MICAL1: variants seen among roughly 807,000 people sequenced by gnomAD.
The protein encoded by MICAL1 is microtubule associated monooxygenase, calponin and LIM domain containing 1, also known as [F-actin]-monooxygenase MICAL1.
In MICAL1, 95 loss-of-function variants were observed where a neutral mutation model predicts 131.8. The ratio of observed to expected loss-of-function variants is 0.72; its 90% CI spans 0.61 to 0.86. MICAL1 has a LOEUF of 0.86. Ranked by LOEUF, MICAL1 falls within the 40% of genes least tolerant of loss-of-function variation. The probability of loss-of-function intolerance (pLI) is 0.00; values close to 1 mark genes in which losing one functional copy is unlikely to be tolerated. For missense variants in MICAL1, 1,292 were observed against 1,380.6 expected, an observed-to-expected ratio of 0.94 and a Z score of 1.02; for synonymous variants, 546 against 554.2, an observed-to-expected ratio of 0.99 and a Z score of 0.21.
Position 109,450,396 on chromosome 6 carries a change from G to A in MICAL1, c.1095C>T (p.Asp365=), listed in dbSNP as rs747709099. ...AHGQPDVSAF[D]FTSMMRAESS... ...TCTCTGCCCGCATCATGCTCGTGAA[G>A]TCAAAGGCAGAGACATCAGGCTGCC... The change falls in exon 8 of 25, where the codon GAC becomes GAT. Residue 365 remains aspartate, a synonymous_variant. Transcript: ENST00000358807. 8.1e-6 allele frequency: 13 copies of A among 1,613,514 alleles called. No homozygotes were observed. In the Admixed American group the frequency reaches 1.8e-4, roughly 23 times the overall value.
At position 109,450,506 on chromosome 6, in the gene MICAL1, C is replaced by T. The variant is rs1775495398; in HGVS notation, c.985G>A (p.Ala329Thr). Reference protein sequence around the residue: ...LLGSANVVPEALQRFTRAAAD... With the variant: ...LLGSANVVPETLQRFTRAAAD... ...GCTGCCCGGGTAAAGCGCTGCAGAG[C>T]CTCGGGCACCACATTGGCACTGCCC... The change falls in exon 8 of 25, where the codon GCT (alanine) becomes ACT (threonine). Residue 329 changes from alanine (A) to threonine (T), a missense_variant. By Grantham distance (58) the Ala-to-Thr change is moderately conservative. Coordinates refer to ENST00000358807, the MANE Select transcript of MICAL1 (RefSeq NM_022765.4). The T allele has an allele frequency of 6.2e-7, 1 of 1,612,912 alleles. No individual in the cohort carries two copies. Among genetic ancestry groups the T allele is most frequent in the Non-Finnish European group, 8.5e-7 (1 of 1,179,778 alleles).
Position 109,452,262 on chromosome 6 carries a change from G to T in MICAL1, c.816C>A (p.Ser272Arg), listed in dbSNP as rs751755331. 6.2e-7 allele frequency: 1 copy of T among 1,613,746 alleles called. No individual in the cohort carries two copies. The highest frequency in any genetic ancestry group is 8.5e-7 in the Non-Finnish European group (1 of 1,179,724). ...ARIYNQSFFQ[S>R]LLKATGIDLE... ...GTCCCTGACCTGTGGCTTTGAGAAGGCTCTGGAAGAAGCTCTGGTTGTAGA... is the reference window on the plus strand; with the variant it reads ...GTCCCTGACCTGTGGCTTTGAGAAGTCTCTGGAAGAAGCTCTGGTTGTAGA... Residue 272 changes from serine (S) to arginine (R), a missense_variant, in exon 6 of 25, where the codon AGC becomes AGA. Ser to Arg is a moderately radical substitution (Grantham distance 110). Transcript: ENST00000358807.
chr6:109,453,256 T>C lies in MICAL1; in HGVS notation c.571+7A>G, dbSNP rs1250358846. 6.2e-7 allele frequency: 1 copy of C among 1,610,922 alleles called. No homozygotes were observed. The highest frequency in any genetic ancestry group is 8.5e-7 in the Non-Finnish European group (1 of 1,177,384). On this transcript the variant is annotated splice_region_variant and intron_variant, in intron 4 of 24. Transcript: ENST00000358807. ...GGGGAGATTCCAGGGAGCATAGAAA[T>C]ACTTACCCTTCCTAGGAGGGGGCTG...
At position 109,447,916 on chromosome 6, in the gene MICAL1, G is replaced by A. The variant is rs1278829863; in HGVS notation, c.1903C>T (p.Leu635Phe). 1 of 1,613,354 alleles carries A rather than the reference G, an allele frequency of 6.2e-7. No individual in the cohort carries two copies. Among genetic ancestry groups the A allele is most frequent in the Non-Finnish European group, 8.5e-7 (1 of 1,179,606 alleles). The change falls in exon 14 of 25, where the codon CTT becomes TTT. Residue 635 changes from leucine to phenylalanine, a missense_variant. Coordinates refer to ENST00000358807, the MANE Select transcript of MICAL1 (RefSeq NM_022765.4). ...TGCAGGGTCCTCTGAAGTTTACTAA[G>A]GAATAATACAGCACTGGAGGTCCCT... ...SPGTSSAVLF[L>F]SKLQRTLQRS...
At chr6:109,460,441 AAAAG>A (rs1236236835), upstream of MICAL1, among the ~76,000 whole-genome samples, 2 of 151,436 alleles carry the variant, frequency 1.3e-5, no homozygotes, top group Non-Finnish European at 2.9e-5. Context: ...AAAAAAAAAA[AAAAG>A]AAATGTAATC....
At chr6:109,455,874 C>G (rs566170436), upstream of MICAL1, 14 of 985,388 alleles carry the variant, frequency 1.4e-5, no homozygotes, top group African/African-American at 1.7e-5. This position sits in a 1 kb window ranked among gnomAD's most constrained non-coding sequence, Gnocchi z 4.7. Context: ...TGGAGTCGCG[C>G]GGAGTGTGGG....
At chr6:109,460,211 C>G (rs1482771571), upstream of MICAL1, among the ~76,000 whole-genome samples, 3 of 151,794 alleles carry the variant, frequency 2.0e-5, no homozygotes, top group African/African-American at 7.3e-5. Flanking sequence ...TCCCAGCACT[C>G]TGGGAGGCTG....
At position 109,451,792 on chromosome 6, in the gene MICAL1, G is replaced by T. The variant is rs186400336; in HGVS notation, c.833-92C>A. 4 of 1,552,500 alleles carry T rather than the reference G, an allele frequency of 2.6e-6. No homozygotes were observed. In the East Asian group the frequency reaches 9.2e-5, roughly 36 times the overall value. On this transcript the variant is annotated intron_variant, in intron 6 of 24. Coordinates refer to ENST00000358807, the MANE Select transcript of MICAL1 (RefSeq NM_022765.4). Reference sequence around the variant, plus strand: ...CAACATGGCCTGACCTCTGAGCTGGGATCCCAGCTTAGGCTGCGGTGAGTG... The same window carrying T: ...CAACATGGCCTGACCTCTGAGCTGGTATCCCAGCTTAGGCTGCGGTGAGTG...
rs2115337083 is a variant in MICAL1, at chr6:109,452,372, G to C, written c.706C>G (p.Leu236Val). Residue 236 changes from leucine to valine, a missense_variant, in exon 6 of 25, where the codon CTG becomes GTG. Coordinates refer to ENST00000358807, the MANE Select transcript of MICAL1 (RefSeq NM_022765.4). ...AAGTTGGCTGTGATGCCAATGGCCA[G>C]TTTGCCTCGCATTTCTCGAACTTTG... ...GFKVREMRGKLAIGITANFVN... is the reference protein window; with the variant it reads ...GFKVREMRGKVAIGITANFVN... 1 of 1,614,188 alleles carries C rather than the reference G, an allele frequency of 6.2e-7. No homozygotes were observed. The highest frequency in any genetic ancestry group is 2.2e-5 in the East Asian group (1 of 44,874).
At position 109,448,237 on chromosome 6, in the gene MICAL1, G is replaced by T. The variant is rs759102155; in HGVS notation, c.1821C>A (p.Phe607Leu). Reference protein sequence around the residue: ...PLGLIAYLSHFHSAFKSMAHS... With the variant: ...PLGLIAYLSHLHSAFKSMAHS... Reference sequence around the variant, plus strand: ...GGGCCATGCTCTTGAAGGCACTGTGGAAGTGGCTGAGGTAGGCAATGAGGC... The same window carrying T: ...GGGCCATGCTCTTGAAGGCACTGTGTAAGTGGCTGAGGTAGGCAATGAGGC... The change falls in exon 13 of 25, where the codon TTC becomes TTA. Residue 607 changes from phenylalanine (F) to leucine (L), a missense_variant. Transcript: ENST00000358807. 6.2e-7 allele frequency: 1 copy of T among 1,613,394 alleles called. No homozygotes were observed.
chr6:109,462,574 A>G (rs1775914755), intron 1 of MICAL1: 1 of 152,240 alleles, frequency 6.6e-6, no homozygotes, highest in African/African-American at 2.4e-5. Flanking sequence ...AATCCTAGGT[A>G]AGCATTTATA....
chr6:109,446,645 C>T (rs1355275892), intron 18 of MICAL1, 51 bp downstream of exon 18: 1 of 1,581,338 alleles, frequency 6.3e-7, no homozygotes, highest in Non-Finnish European at 8.7e-7. Flanking sequence ...TTTGACGAGA[C>T]CCTCTTCCTC....
At chr6:109,451,897 C>G in intron 6 of MICAL1, 197 bp from the exon 7 acceptor site, 1 of 1,395,470 alleles carries the variant, frequency 7.2e-7, no homozygotes, top group Non-Finnish European at 9.3e-7. Context: ...GGACTTAGAG[C>G]AAAGAGGGAA....
chr6:109,456,309 G>GGAAC (rs1775745192), upstream of MICAL1, among the ~76,000 whole-genome samples: 1 of 152,232 alleles, frequency 6.6e-6, no homozygotes, highest in Non-Finnish European at 1.5e-5. Context: ...GGGTGGCGCC[G>GGAAC]GAACGTCTGC....
upstream of MICAL1, among the ~76,000 whole-genome samples, chr6:109,459,171 CTG>C (rs552245594): frequency 1.6e-4 from 24 of 152,172 alleles, no homozygotes; most frequent in Non-Finnish European, 3.2e-4. Context: ...AATGGAAACT[CTG>C]TAGAAGGATT....
rs373130397 is a variant in MICAL1, at chr6:109,446,758, G to T, written c.2242C>A (p.Leu748Ile). Residue 748 changes from leucine (L) to isoleucine (I), a missense_variant, in exon 18 of 25, where the codon CTC becomes ATC. Physicochemically the swap from Leu to Ile is conservative, Grantham distance 5. Transcript: ENST00000358807. ...QHPGDGHFYC[L>I]QHLPQTDHKA... ...TGGTCTGTCTGGGGCAGGTGCTGGA[G>T]GCAGTAGAAATGTCCTGGAAAGGGT... 6.2e-7 allele frequency: 1 copy of T among 1,613,600 alleles called. No individual in the cohort carries two copies. Among genetic ancestry groups the T allele is most frequent in the Non-Finnish European group, 8.5e-7 (1 of 1,179,904 alleles).
At chr6:109,445,670 C>A in intron 20 of MICAL1, 101 bp downstream of exon 20, 2 of 1,510,608 alleles carry the variant, frequency 1.3e-6, no homozygotes, top group South Asian at 1.2e-5. Context: ...TATGACAGGC[C>A]AAGTGAGAAG....
At position 109,447,451 on chromosome 6, in the gene MICAL1, A is replaced by C; in HGVS notation, c.1987-11T>G. 1 of 1,609,226 alleles carries C rather than the reference A, an allele frequency of 6.2e-7. No homozygotes were observed. The highest frequency in any genetic ancestry group is 8.5e-7 in the Non-Finnish European group (1 of 1,177,442). On this transcript the variant is annotated splice_polypyrimidine_tract_variant and intron_variant, in intron 15 of 24. Transcript: ENST00000358807. Reference sequence around the variant, plus strand: ...GGTCTCGGCCTCCATCTAAGGAGGTAAGTGCTCAGGCAGGGAGGGTAGAGG... The same window carrying C: ...GGTCTCGGCCTCCATCTAAGGAGGTCAGTGCTCAGGCAGGGAGGGTAGAGG...
Position 109,454,182 on chromosome 6 carries a change from G to C in MICAL1, c.15C>G (p.Thr5=), listed in dbSNP as rs754447947. The C allele has an allele frequency of 4.4e-6, 7 of 1,602,210 alleles. No homozygotes were observed. Among genetic ancestry groups the C allele is most frequent in the Non-Finnish European group, 6.0e-6 (7 of 1,174,632 alleles). The change falls in exon 2 of 25, where the codon ACC becomes ACG. Residue 5 remains threonine, a synonymous_variant. Transcript: ENST00000358807. MASP[T]STNPAHAHFE... Reference sequence around the variant, plus strand: ...AGTGGGCATGCGCTGGGTTGGTGGAGGTAGGTGAAGCCATGGAGGCCTCCT... The same window carrying C: ...AGTGGGCATGCGCTGGGTTGGTGGACGTAGGTGAAGCCATGGAGGCCTCCT...
Sources: allele counts gnomAD v4.1 joint callset (sites outside exome capture counted in the v4.1 genomes callset), GRCh38; gene constraint gnomAD v4.1.1; non-coding constraint Gnocchi (gnomAD v3.1); transcripts MANE v1.5; gene names NCBI Gene and HGNC (gene_info 2026-07-23, HGNC 2026-07-21).